Variants in CDH13 observed in about 807,000 individuals in gnomAD.
The protein encoded by CDH13 is cadherin-13.
Under a neutral mutation model 63.8 loss-of-function variants are expected in CDH13, and 24 were observed. The ratio of observed to expected loss-of-function variants is 0.38; its 90% CI spans 0.27 to 0.53. The LOEUF is 0.53. Among genes scored for constraint, CDH13 ranks in the 20% least tolerant of loss-of-function variants. The probability of loss-of-function intolerance (pLI) is 0.85; values close to 1 mark genes in which losing one functional copy is unlikely to be tolerated. For missense variants in CDH13, 1,049 were observed against 903.1 expected (o/e 1.16, Z -2.07); for synonymous variants, 503 against 355.3 (o/e 1.42, Z -4.67).
rs141606789 is a variant in CDH13 at position 82,986,344 on chromosome 16, C to T, written c.158-45666C>T. ...ACATTTGATACAATCAAAACCAAGC[C>T]GCTTTGTTTAAAATGCTCATCAAAT... On this transcript the variant is annotated intron_variant, in intron 2 of 13. Coordinates refer to ENST00000567109, the MANE Select transcript of CDH13 (RefSeq NM_001257.5). 2.0e-3 allele frequency among the ~76,000 whole-genome samples: 311 copies of T among 152,254 alleles called. 2 individuals carry two copies. The highest frequency in any genetic ancestry group is 0.017 in the Middle Eastern group (5 of 292).
chr16:82,782,838 G>A (rs548145512), intron 1 of CDH13, among the ~76,000 whole-genome samples: 1 of 152,146 alleles, frequency 6.6e-6, no homozygotes, highest in East Asian at 1.9e-4. Context: ...CCAAGTTCCT[G>A]GCACTAAGTT....
chr16:83,600,789 T>C (rs1421575685), intron 7 of CDH13, among the ~76,000 whole-genome samples: 1 of 152,234 alleles, frequency 6.6e-6, no homozygotes, highest in Non-Finnish European at 1.5e-5. Context: ...TTGCCTTCAT[T>C]AGCTGAAAAG....
At chr16:82,756,226 AATTAGAT>A (rs1235688370) in intron 1 of CDH13, among the ~76,000 whole-genome samples, 1 of 152,202 alleles carries the variant, frequency 6.6e-6, no homozygotes, top group Non-Finnish European at 1.5e-5. Flanking sequence ...ACAGTCTGTA[AATTAGAT>A]ATTCTGGAAT....
chr16:83,455,122 T>C (rs1390853971), intron 6 of CDH13, among the ~76,000 whole-genome samples: 2 of 152,216 alleles, frequency 1.3e-5, no homozygotes, highest in Non-Finnish European at 2.9e-5. Context: ...AGAGAGATTG[T>C]AGAGTTTGCT....
At chr16:83,717,440 G>T (rs930289845) in intron 10 of CDH13, among the ~76,000 whole-genome samples, 2 of 152,194 alleles carry the variant, frequency 1.3e-5, no homozygotes, top group African/African-American at 2.4e-5. Context: ...GAAAGTCCCT[G>T]TCTCCACTTT....
At chr16:83,483,861 A>G (rs2073828211) in intron 6 of CDH13, among the ~76,000 whole-genome samples, 1 of 152,190 alleles carries the variant, frequency 6.6e-6, no homozygotes, top group Admixed American at 6.5e-5. Context: ...TGCCTAGACC[A>G]CTGTTGGATA....
At chr16:83,502,251 T>A (rs1489312) in intron 7 of CDH13, among the ~76,000 whole-genome samples, 17 of 152,102 alleles carry the variant, frequency 1.1e-4, no homozygotes, top group Admixed American at 5.9e-4. Context: ...GGGCCTGATA[T>A]AATCACAGGG....
intron 3 of CDH13, among the ~76,000 whole-genome samples, chr16:83,102,448 G>A (rs2034526581): frequency 6.6e-6 from 1 of 152,196 alleles, no homozygotes; most frequent in Non-Finnish European, 1.5e-5. Context: ...ATGCCAGTGT[G>A]CCTGGACTGA....
At chr16:83,387,730 T>A (rs1211874330) in intron 6 of CDH13, among the ~76,000 whole-genome samples, 12 of 152,196 alleles carry the variant, frequency 7.9e-5, no homozygotes, top group Non-Finnish European at 1.3e-4. Context: ...AAGTGGACAA[T>A]GGGGACCAGT....
At chr16:82,653,510 A>G (rs894564512) in intron 1 of CDH13, among the ~76,000 whole-genome samples, 6 of 152,158 alleles carry the variant, frequency 3.9e-5, no homozygotes, top group Non-Finnish European at 8.8e-5. Context: ...ATGGGACTGG[A>G]TGTACCTGCA....
At chr16:83,293,110 T>G (rs893280217) in intron 5 of CDH13, among the ~76,000 whole-genome samples, 3 of 152,234 alleles carry the variant, frequency 2.0e-5, no homozygotes, top group Non-Finnish European at 4.4e-5. Flanking sequence ...GATTCTATTT[T>G]GAATTGCTCT....
At chr16:83,020,833 C>G (rs979058833) in intron 2 of CDH13, among the ~76,000 whole-genome samples, 2 of 152,214 alleles carry the variant, frequency 1.3e-5, no homozygotes, top group Admixed American at 1.3e-4. Flanking sequence ...GTCAAGGCAT[C>G]AAAACACAAT....
chr16:83,557,030 G>A (rs540002867), intron 7 of CDH13, among the ~76,000 whole-genome samples: 35 of 152,164 alleles, frequency 2.3e-4, no homozygotes, highest in Non-Finnish European at 3.7e-4. Context: ...GTGGGTGAGC[G>A]AACGAAGCTT....
chr16:83,543,936 A>C (rs1482647791), intron 7 of CDH13, among the ~76,000 whole-genome samples: 6 of 152,196 alleles, frequency 3.9e-5, no homozygotes, highest in Admixed American at 6.5e-5. Flanking sequence ...CATCAGTGAC[A>C]CTTGATGTAG....
At chr16:83,710,550 GAA>G (rs11331890) in intron 10 of CDH13, 34,085 of 148,348 alleles carry the variant, frequency 0.23, 4,088 homozygotes, top group African/African-American at 0.25. Flanking sequence ...AGGCAACCTG[GAA>G]AAAAAAAAAA....
intron 6 of CDH13, among the ~76,000 whole-genome samples, chr16:83,403,963 A>G (rs1461112828): frequency 2.6e-5 from 4 of 152,252 alleles, no homozygotes; most frequent in African/African-American, 7.2e-5. Flanking sequence ...CCTATGTGTA[A>G]TAAATCAACT....
chr16:83,161,082 A>C (rs557506194), intron 4 of CDH13, among the ~76,000 whole-genome samples: 139 of 152,314 alleles, frequency 9.1e-4, no homozygotes, highest in Middle Eastern at 6.8e-3. Context: ...TACGTCATAC[A>C]TGAAAGAGAT....
At chr16:83,402,022 G>T (rs1231415744) in intron 6 of CDH13, among the ~76,000 whole-genome samples, 1 of 152,160 alleles carries the variant, frequency 6.6e-6, no homozygotes, top group Non-Finnish European at 1.5e-5. Context: ...TGTTTCCTGA[G>T]TGTAGATGTT....
chr16:82,699,779 C>G (rs571959280), intron 1 of CDH13, among the ~76,000 whole-genome samples: 1 of 152,340 alleles, frequency 6.6e-6, no homozygotes, highest in South Asian at 2.1e-4. Context: ...TTAAGATAAT[C>G]TCTTTTGTCT....
Sources: allele counts gnomAD v4.1 joint callset (sites outside exome capture counted in the v4.1 genomes callset), GRCh38; gene constraint gnomAD v4.1.1; transcripts MANE v1.5; gene names NCBI Gene and HGNC (gene_info 2026-07-23, HGNC 2026-07-21).